Variants in MCTP1 observed in about 807,000 individuals in gnomAD.
MCTP1 encodes the protein multiple C2 and transmembrane domain-containing protein 1.
In MCTP1, 69 loss-of-function variants were observed where a neutral mutation model predicts 120.6. The ratio of observed to expected loss-of-function variants is 0.57; its 90% CI spans 0.47 to 0.70. The LOEUF (loss-of-function observed/expected upper bound fraction) is 0.70, where lower values mean the gene tolerates loss of function less well. MCTP1 is among the 30% of genes least tolerant of loss of function. The pLI, the probability that MCTP1 is intolerant of heterozygous loss-of-function variation, is 0.00. For missense variants in MCTP1, 1,203 were observed against 1,248.8 expected (o/e 0.96, Z 0.55); for synonymous variants, 529 against 493.1 (o/e 1.07, Z -0.96).
intron 2 of MCTP1, among the ~76,000 whole-genome samples, chr5:94,981,222 TG>T (rs200586650): frequency 0.01 from 1,549 of 152,286 alleles, 9 homozygotes; most frequent in Middle Eastern, 0.024. Context: ...AGGTTTCCAC[TG>T]GTAAGTTTAA....
chr5:95,181,212 G>A (rs1005389255), intron 1 of MCTP1, among the ~76,000 whole-genome samples: 2 of 152,150 alleles, frequency 1.3e-5, no homozygotes, highest in Non-Finnish European at 2.9e-5. Flanking sequence ...ATCACACAAA[G>A]TATAAAATCC....
intron 9 of MCTP1, 48 bp downstream of exon 9, chr5:94,912,758 A>T: frequency 6.9e-7 from 1 of 1,458,636 alleles, no homozygotes; most frequent in East Asian, 2.7e-5. Flanking sequence ...CTATTAACCA[A>T]CCAATGCCTT....
intron 17 of MCTP1, among the ~76,000 whole-genome samples, chr5:94,850,077 A>G (rs142394980): frequency 4.3e-4 from 66 of 152,288 alleles, no homozygotes; most frequent in African/African-American, 1.5e-3. Context: ...TCTTTGCTAC[A>G]TAAGTACTAA....
At chr5:95,275,174 G>A (rs1759726680) in intron 1 of MCTP1, among the ~76,000 whole-genome samples, 1 of 152,158 alleles carries the variant, frequency 6.6e-6, no homozygotes, top group Non-Finnish European at 1.5e-5. Context: ...TGACCTCTCT[G>A]AGTCAGAAGT....
At chr5:94,890,378 TTAAAC>T (rs1802312850) in intron 11 of MCTP1, among the ~76,000 whole-genome samples, 1 of 152,172 alleles carries the variant, frequency 6.6e-6, no homozygotes, top group South Asian at 2.1e-4. Flanking sequence ...AAGATCAACA[TTAAAC>T]TAATTATTTT....
intron 1 of MCTP1, among the ~76,000 whole-genome samples, chr5:95,179,994 A>C (rs551894748): frequency 1.3e-5 from 2 of 152,350 alleles, no homozygotes; most frequent in South Asian, 4.1e-4. Context: ...AGGAGTAGCT[A>C]TTCCTATATC....
chr5:95,162,315 C>G (rs777387889), intron 1 of MCTP1, among the ~76,000 whole-genome samples: 1 of 152,072 alleles, frequency 6.6e-6, no homozygotes, highest in African/African-American at 2.4e-5. Flanking sequence ...CAGAAGACAA[C>G]AAAAGTTGTA....
intron 1 of MCTP1, among the ~76,000 whole-genome samples, chr5:95,036,911 T>TTCACTCACTCACTCACTCACTCAC (rs141556044): frequency 8.7e-4 from 132 of 151,610 alleles, no homozygotes; most frequent in South Asian, 3.8e-3. Flanking sequence ...ATTTCATTCT[T>TTCACTCACTCACTCACTCACTCAC]TCACTCACTC....
chr5:95,120,539 T>C (rs536170690), intron 1 of MCTP1, among the ~76,000 whole-genome samples: 30 of 152,106 alleles, frequency 2.0e-4, no homozygotes, highest in Admixed American at 1.6e-3. Context: ...CATATGCAAA[T>C]CAAACAATGG....
intron 1 of MCTP1, among the ~76,000 whole-genome samples, chr5:95,066,057 C>T (rs974372314): frequency 6.6e-6 from 1 of 152,112 alleles, no homozygotes; most frequent in African/African-American, 2.4e-5. Context: ...CAAACATCAA[C>T]AGAGTGAACA....
rs564439495 is a variant in MCTP1, at chr5:94,912,428, C to CAA, written c.1521+376_1521+377dup. On this transcript the variant is annotated intron_variant, in intron 9 of 22. Transcript: ENST00000515393. ...GCCTGGTGACAGAGTGAGACTCCAT[C>CAA]AAAAAAAAAAAAAAAAAAAAAAAAA... 2.2e-4 allele frequency among the ~76,000 whole-genome samples: 7 copies of CAA among 31,450 alleles called. 1 individual carries two copies. The highest frequency in any genetic ancestry group is 3.5e-4 in the African/African-American group (3 of 8,596). The allele number at this position is 31,450 out of a possible 152,430, so 20.6% of individuals were successfully genotyped here.
intron 17 of MCTP1, among the ~76,000 whole-genome samples, chr5:94,842,292 A>G (rs1791242078): frequency 6.6e-6 from 1 of 152,214 alleles, no homozygotes; most frequent in African/African-American, 2.4e-5. Context: ...GACTATTAGT[A>G]TTCCAGCAAA....
intron 17 of MCTP1, among the ~76,000 whole-genome samples, chr5:94,840,587 C>G (rs553465613): frequency 2.0e-5 from 3 of 151,456 alleles, no homozygotes; most frequent in Non-Finnish European, 4.4e-5. Flanking sequence ...TTCTTTATGT[C>G]TAGTTTTGGG....
At chr5:94,708,872 T>A (rs1266366189) in intron 21 of MCTP1, 2 of 289,818 alleles carry the variant, frequency 6.9e-6, no homozygotes, top group Non-Finnish European at 6.6e-6. Context: ...ATATCTTGGT[T>A]TTTTTTCCCC....
chr5:95,180,088 G>A (rs1323014032), intron 1 of MCTP1, among the ~76,000 whole-genome samples: 3 of 152,110 alleles, frequency 2.0e-5, no homozygotes, highest in Admixed American at 2.0e-4. Context: ...AATCCAACAG[G>A]AAAATATCAC....
chr5:95,066,013 A>T (rs763066801), intron 1 of MCTP1, among the ~76,000 whole-genome samples: 3 of 152,218 alleles, frequency 2.0e-5, no homozygotes, highest in Non-Finnish European at 2.9e-5. Flanking sequence ...AAGAAATGGG[A>T]TTACATCAAA....
chr5:95,224,897 T>C (rs915206942), intron 1 of MCTP1, among the ~76,000 whole-genome samples: 1 of 152,210 alleles, frequency 6.6e-6, no homozygotes, highest in Non-Finnish European at 1.5e-5. Context: ...AGTACAAGTC[T>C]TTAACTTATC....
intron 1 of MCTP1, among the ~76,000 whole-genome samples, chr5:95,154,889 G>A (rs911508704): frequency 1.6e-4 from 24 of 152,042 alleles, no homozygotes; most frequent in African/African-American, 4.6e-4. Flanking sequence ...AGCCTTGATG[G>A]ATATCTTATT....
chr5:95,011,555 T>C (rs1835951651), intron 2 of MCTP1, among the ~76,000 whole-genome samples: 1 of 152,066 alleles, frequency 6.6e-6, no homozygotes, highest in South Asian at 2.1e-4. Flanking sequence ...GTTCTCATGA[T>C]ATCGAGTGAA....
Sources: allele counts gnomAD v4.1 joint callset (sites outside exome capture counted in the v4.1 genomes callset), GRCh38; gene constraint gnomAD v4.1.1; transcripts MANE v1.5; gene names NCBI Gene and HGNC (gene_info 2026-07-23, HGNC 2026-07-21).